USH2A: variants seen among roughly 807,000 people sequenced by gnomAD.
The protein encoded by USH2A is Usher syndrome 2A (autosomal recessive, mild).
A neutral mutation model predicts 538.9 loss-of-function variants in USH2A; 443 were observed. The observed-to-expected ratio is 0.82, with a 90% confidence interval of 0.76 to 0.89. The LOEUF (loss-of-function observed/expected upper bound fraction) is 0.89, where lower values mean the gene tolerates loss of function less well. Ranked by LOEUF, USH2A falls within the 40% of genes least tolerant of loss-of-function variation. The pLI is 0.00. For synonymous variants in USH2A, 2,413 were observed against 2,273.5 expected (o/e 1.06, Z -1.75); for missense variants, 6,633 against 6,324.8 (o/e 1.05, Z -1.65).
intron 61 of USH2A, among the ~76,000 whole-genome samples, chr1:215,707,997 T>G (rs1571974515): frequency 6.6e-6 from 1 of 152,256 alleles, no homozygotes; most frequent in East Asian, 1.9e-4. Context: ...TAAAACAAAT[T>G]TAAAACTCAT....
chr1:216,408,597 T>C (rs73102513), intron 3 of USH2A, among the ~76,000 whole-genome samples: 11,488 of 152,250 alleles, frequency 0.075, 1,137 homozygotes, highest in African/African-American at 0.23. Flanking sequence ...CTGAAGTTCT[T>C]AGTAATTTCA....
chr1:216,002,893 A>C (rs1668299485), intron 32 of USH2A, among the ~76,000 whole-genome samples: 1 of 152,090 alleles, frequency 6.6e-6, no homozygotes, highest in Non-Finnish European at 1.5e-5. Context: ...ATGCATCATC[A>C]TATTATCACA....
intron 32 of USH2A, among the ~76,000 whole-genome samples, chr1:216,017,108 A>G (rs1313200490): frequency 3.3e-5 from 5 of 152,098 alleles, no homozygotes; most frequent in African/African-American, 1.2e-4. Flanking sequence ...TTTCTTGGTT[A>G]CTTTTATGAT....
chr1:215,883,456 C>G (rs1387392992), intron 41 of USH2A, among the ~76,000 whole-genome samples: 1 of 150,844 alleles, frequency 6.6e-6, no homozygotes, highest in African/African-American at 2.4e-5. Context: ...TACTGAGTTT[C>G]TTTTTTTCTT....
At chr1:216,086,645 T>G in intron 24 of USH2A, 74 bp downstream of exon 24, 1 of 1,224,862 alleles carries the variant, frequency 8.2e-7, no homozygotes, top group Non-Finnish European at 1.2e-6. Flanking sequence ...ATACTTATTC[T>G]TACTTTAAAA....
chr1:216,078,182 C>T lies in USH2A; in HGVS notation c.5479G>A (p.Gly1827Arg), dbSNP rs745762091. ...GAATTCACCACCAGTGGCTGGTCTC[C>T]GGACTCCGATGCATGCTTCATCAGT... is the stretch of plus-strand genomic sequence containing the variant. Reference protein sequence around the residue: ...NGLMKHASESGDQPLVVNSPV... With the variant: ...NGLMKHASESRDQPLVVNSPV... The change falls in exon 27 of 72, where the codon GGA (glycine) becomes AGA (arginine). Residue 1827 changes from glycine to arginine, a missense_variant. By Grantham distance (125) the Gly-to-Arg change is moderately radical. Coordinates refer to ENST00000307340, the MANE Select transcript of USH2A (RefSeq NM_206933.4). The T allele has an allele frequency of 3.7e-5, 59 of 1,613,588 alleles. No homozygotes were observed. The highest frequency in any genetic ancestry group is 6.7e-5 in the East Asian group (3 of 44,868).
chr1:215,976,902 A>G (rs1039545940), intron 35 of USH2A, among the ~76,000 whole-genome samples: 16 of 151,752 alleles, frequency 1.1e-4, no homozygotes, highest in Non-Finnish European at 2.1e-4. Context: ...CCTTCTTGAT[A>G]TTTTGTAACA....
chr1:215,670,857 CTCCTTAAG>C, intron 64 of USH2A, 107 bp downstream of exon 64: 1 of 1,035,086 alleles, frequency 9.7e-7, no homozygotes, highest in South Asian at 1.5e-5. Context: ...TATTATTATT[CTCCTTAAG>C]TCCTACATTT....
intron 11 of USH2A, among the ~76,000 whole-genome samples, chr1:216,255,714 T>A (rs934630506): frequency 6.6e-6 from 1 of 152,194 alleles, no homozygotes; most frequent in Non-Finnish European, 1.5e-5. Flanking sequence ...CTCTGTTGGG[T>A]TGAATGTTCC....
intron 3 of USH2A, among the ~76,000 whole-genome samples, chr1:216,378,677 TTTGAG>T (rs1249857219): frequency 6.6e-6 from 1 of 152,046 alleles, no homozygotes; most frequent in African/African-American, 2.4e-5. Context: ...TTCTTATTTG[TTTGAG>T]TTTTTTTTCT....
chr1:215,781,902 G>GT, intron 54 of USH2A, 140 bp downstream of exon 54: 9 of 1,068,996 alleles, frequency 8.4e-6, no homozygotes, highest in Non-Finnish European at 1.3e-5. Context: ...CTCAGTTAAC[G>GT]TGACACATGA....
chr1:215,681,905 G>A (rs1658242938), intron 61 of USH2A, among the ~76,000 whole-genome samples: 1 of 152,066 alleles, frequency 6.6e-6, no homozygotes, highest in Non-Finnish European at 1.5e-5. Flanking sequence ...AACATTTGCT[G>A]AGCAATCAGA....
intron 21 of USH2A, among the ~76,000 whole-genome samples, chr1:216,119,461 T>C (rs1473781757): frequency 1.3e-5 from 2 of 151,650 alleles, no homozygotes; most frequent in African/African-American, 4.8e-5. Context: ...ATGGTATACA[T>C]AACAATATAA....
intron 30 of USH2A, among the ~76,000 whole-genome samples, chr1:216,057,897 C>A (rs190010713): frequency 6.6e-6 from 1 of 152,144 alleles, no homozygotes; most frequent in African/African-American, 2.4e-5. Context: ...CACTTTTTAC[C>A]TGGGCAAGTG....
At chr1:215,671,388 G>T in intron 63 of USH2A, 95 bp from the exon 64 acceptor site, 1 of 1,253,174 alleles carries the variant, frequency 8.0e-7, no homozygotes, top group Non-Finnish European at 1.1e-6. Flanking sequence ...AAAAAGACAA[G>T]CTTACATGTA....
chr1:216,233,416 T>C (rs935309891), intron 13 of USH2A, among the ~76,000 whole-genome samples: 5 of 152,140 alleles, frequency 3.3e-5, no homozygotes, highest in African/African-American at 1.2e-4. Flanking sequence ...ATCCTGTTTG[T>C]TTCCTAAGTG....
At chr1:216,131,327 A>G (rs569315863) in intron 21 of USH2A, among the ~76,000 whole-genome samples, 2 of 151,802 alleles carry the variant, frequency 1.3e-5, no homozygotes, top group Non-Finnish European at 1.5e-5. Context: ...AGTTCCATCT[A>G]TTTATCTTTG....
intron 55 of USH2A, among the ~76,000 whole-genome samples, chr1:215,779,551 G>GC (rs1286590214): frequency 1.3e-5 from 2 of 152,040 alleles, no homozygotes; most frequent in African/African-American, 4.8e-5. Flanking sequence ...GAATGAAAAT[G>GC]CATCTTACTG....
Position 215,926,004 on chromosome 1 carries a change from C to T in USH2A, c.7300+8612G>A, listed in dbSNP as rs1035314968. ...CTGCACTCCAGCCTGGGTGACAGAG[C>T]GAGACTCCGTCTCAAAAAAACAAGA... On this transcript the variant is annotated intron_variant, in intron 38 of 71. Transcript: ENST00000307340. Among the ~76,000 whole-genome samples, 12 of 151,910 alleles carry T rather than the reference C, an allele frequency of 7.9e-5. No homozygotes were observed. The East Asian group carries it at 1.4e-3, about 17-fold the overall frequency.
Sources: gnomAD v4.1 joint callset for allele counts (sites outside exome capture counted in the v4.1 genomes callset) on GRCh38, gnomAD v4.1.1 for gene constraint, MANE v1.5 for transcripts, NCBI Gene and HGNC (gene_info 2026-07-23, HGNC 2026-07-21) for gene names.